B4GALT1: variants seen among roughly 807,000 people sequenced by gnomAD.
B4GALT1 encodes N-acetyllactosamine synthase.
B4GALT1 carries 16 observed loss-of-function variants against 34.9 expected under a neutral mutation model. That is an observed-to-expected ratio of 0.46 (90% CI 0.31 to 0.70). B4GALT1 has a LOEUF of 0.70. Among genes scored for constraint, B4GALT1 ranks in the 30% least tolerant of loss-of-function variants. The pLI, the probability that B4GALT1 is intolerant of heterozygous loss-of-function variation, is 0.05. For missense variants in B4GALT1, 445 were observed against 530.5 expected (o/e 0.84, Z 1.58); for synonymous variants, 221 against 218.1 (o/e 1.01, Z -0.12).
At chr9:33,144,424 C>T (rs569620894) in intron 1 of B4GALT1, among the ~76,000 whole-genome samples, 3 of 151,570 alleles carry the variant, frequency 2.0e-5, no homozygotes, top group African/African-American at 4.8e-5. Flanking sequence ...TTAGTAGAGC[C>T]GGGGTTTCAC....
chr9:33,122,422 A>T (rs1267815130), intron 2 of B4GALT1, among the ~76,000 whole-genome samples: 1 of 152,038 alleles, frequency 6.6e-6, no homozygotes, highest in Non-Finnish European at 1.5e-5. Flanking sequence ...AGGAGGCTCA[A>T]CTGATCCCAG....
At chr9:33,141,979 T>C (rs1377473160) in intron 1 of B4GALT1, among the ~76,000 whole-genome samples, 1 of 151,788 alleles carries the variant, frequency 6.6e-6, no homozygotes, top group Non-Finnish European at 1.5e-5. Context: ...AGGAAATGAT[T>C]TCTTTCTTTT....
At chr9:33,159,547 C>A (rs1440466278) in intron 1 of B4GALT1, among the ~76,000 whole-genome samples, 1 of 152,196 alleles carries the variant, frequency 6.6e-6, no homozygotes, top group African/African-American at 2.4e-5. Context: ...TTGGGAATAG[C>A]CTGGCACACT....
chr9:33,138,749 G>C (rs573428603), intron 1 of B4GALT1, among the ~76,000 whole-genome samples: 25 of 152,140 alleles, frequency 1.6e-4, no homozygotes, highest in African/African-American at 6.0e-4. Context: ...ACAGAACATG[G>C]CTAGCCATAT....
intron 1 of B4GALT1, among the ~76,000 whole-genome samples, chr9:33,159,005 G>C (rs951852485): frequency 9.9e-5 from 15 of 152,196 alleles, no homozygotes; most frequent in Admixed American, 4.6e-4. Flanking sequence ...ACTCTGCCCA[G>C]AGTACTCCTC....
chr9:33,170,041 C>T (rs1206859409), upstream of B4GALT1, among the ~76,000 whole-genome samples: 1 of 142,974 alleles, frequency 7.0e-6, no homozygotes, highest in Admixed American at 7.2e-5. Context: ...GTGATCTTGG[C>T]TCACTGCAAG....
chr9:33,113,728 A>G, intron 5 of B4GALT1, 46 bp downstream of exon 5: 2 of 1,611,114 alleles, frequency 1.2e-6, no homozygotes, highest in Non-Finnish European at 1.7e-6. Context: ...CCTGCAGCCT[A>G]CCTCATCCTA....
At chr9:33,177,208 T>C in the B4GALT1 span, among the ~76,000 whole-genome samples, 1 of 152,192 alleles carries the variant, frequency 6.6e-6, no homozygotes. Context: ...AGTTCAATTA[T>C]TTTCTCTTAT....
intron 2 of B4GALT1, among the ~76,000 whole-genome samples, chr9:33,122,631 G>A (rs771659110): frequency 1.3e-5 from 2 of 152,106 alleles, no homozygotes; most frequent in Non-Finnish European, 2.9e-5. Flanking sequence ...GGGAACTTGG[G>A]GAAGCAAACC....
At position 33,113,845 on chromosome 9, in the gene B4GALT1, T is replaced by C. The variant is rs1397239297; in HGVS notation, c.993A>G (p.Pro331=). ...TGCGACACCTCCCGACCACAGCATT[T>C]GGGCGAGATATAGACATGCCTCTAA... is the stretch of plus-strand genomic sequence containing the variant. ...LVFRGMSISR[P]NAVVGRCRMI... The change falls in exon 5 of 6, where the codon CCA becomes CCG. Residue 331 remains proline, a synonymous_variant. Transcript: ENST00000379731. 6.2e-7 allele frequency: 1 copy of C among 1,614,204 alleles called. No individual in the cohort carries two copies. The highest frequency in any genetic ancestry group is 8.5e-7 in the Non-Finnish European group (1 of 1,180,034).
At chr9:33,166,346 C>T (rs750598271) in intron 1 of B4GALT1, among the ~76,000 whole-genome samples, 1 of 152,210 alleles carries the variant, frequency 6.6e-6, no homozygotes, top group Non-Finnish European at 1.5e-5. Context: ...TCCTTCCCCA[C>T]CGGGAGCCTC....
At chr9:33,116,521 CTTTT>C (rs577170197) in intron 3 of B4GALT1, among the ~76,000 whole-genome samples, 1 of 107,308 alleles carries the variant, frequency 9.3e-6, no homozygotes, top group African/African-American at 3.7e-5. Context: ...CAAACCGGAT[CTTTT>C]TTTTTTTTTT....
Position 33,136,537 on chromosome 9 carries a change from C to A in B4GALT1, c.413-1113G>T, listed in dbSNP as rs563951511. ...AACATGTCTCGTGGTCAAATAAGAA[C>A]GGGAATGCTGCGTATTAAATCCTGC... On this transcript the variant is annotated intron_variant, in intron 1 of 5. Coordinates refer to ENST00000379731, the MANE Select transcript of B4GALT1 (RefSeq NM_001497.4). 3.3e-5 allele frequency among the ~76,000 whole-genome samples: 5 copies of A among 152,206 alleles called. No homozygotes were observed. The South Asian group carries it at 1.0e-3, about 32-fold the overall frequency.
chr9:33,125,507 C>A (rs1223429521), intron 2 of B4GALT1, among the ~76,000 whole-genome samples: 1 of 152,212 alleles, frequency 6.6e-6, no homozygotes, highest in Non-Finnish European at 1.5e-5. Context: ...AGTTAGGAAG[C>A]TGTTGTATGA....
chr9:33,167,371 G>C (rs1840783375), upstream of B4GALT1: 7 of 597,560 alleles, frequency 1.2e-5, no homozygotes, highest in South Asian at 4.8e-4. Flanking sequence ...GCGGAGAGGG[G>C]AGGGGCGGGG....
upstream of B4GALT1, among the ~76,000 whole-genome samples, chr9:33,170,265 C>T (rs948951111): frequency 6.6e-6 from 1 of 152,104 alleles, no homozygotes; most frequent in Non-Finnish European, 1.5e-5. Flanking sequence ...CCACCGTGCC[C>T]GGCCGATATT....
At chr9:33,113,699 C>G (rs773747104) in intron 5 of B4GALT1, 75 bp downstream of exon 5, 48 of 1,607,158 alleles carry the variant, frequency 3.0e-5, no homozygotes, top group Non-Finnish European at 3.9e-5. Context: ...CAATTTCCCT[C>G]TAGGCCCAGA....
At chr9:33,180,259 G>A in the B4GALT1 span, among the ~76,000 whole-genome samples, 16 of 152,064 alleles carry the variant, frequency 1.1e-4, no homozygotes, top group South Asian at 3.3e-3. Context: ...CCGATTATTC[G>A]TCTTTGATTG....
chr9:33,120,654 G>A (rs1840008645), intron 2 of B4GALT1, 48 bp from the exon 3 acceptor site: 1 of 1,589,764 alleles, frequency 6.3e-7, no homozygotes, highest in African/African-American at 1.3e-5. Flanking sequence ...AAAGCCTTTG[G>A]GCCAAACACT....
Sources: allele counts gnomAD v4.1 joint callset (sites outside exome capture counted in the v4.1 genomes callset), GRCh38; gene constraint gnomAD v4.1.1; transcripts MANE v1.5; gene names NCBI Gene and HGNC (gene_info 2026-07-23, HGNC 2026-07-21).